Variants in EML6 observed in about 807,000 individuals in gnomAD.
EML6 encodes echinoderm microtubule-associated protein-like 6.
EML6 carries 154 observed loss-of-function variants against 240.1 expected under a neutral mutation model. The observed-to-expected ratio is 0.64, with a 90% CI of 0.56 to 0.73. EML6 has a LOEUF of 0.73. Among genes scored for constraint, EML6 ranks in the 30% least tolerant of loss-of-function variants. The probability of loss-of-function intolerance (pLI) is 0.00; values close to 1 mark genes in which losing one functional copy is unlikely to be tolerated. For missense variants in EML6, 2,964 were observed against 2,474.6 expected, an observed-to-expected ratio of 1.20 and a Z score of -4.20; for synonymous variants, 1,148 against 899.0, an observed-to-expected ratio of 1.28 and a Z score of -4.95.
intron 2 of EML6, among the ~76,000 whole-genome samples, chr2:54,812,537 TTA>T (rs1667901347): frequency 1.3e-5 from 2 of 149,598 alleles, no homozygotes; most frequent in Admixed American, 6.7e-5. Context: ...TTTTTTTTTT[TTA>T]ATCTAGGAAA....
At chr2:54,765,780 A>G (rs1056958932) in intron 2 of EML6, among the ~76,000 whole-genome samples, 62 of 152,186 alleles carry the variant, frequency 4.1e-4, no homozygotes, top group Admixed American at 3.5e-3. Flanking sequence ...GGTACCATCT[A>G]TACCATTATA....
At chr2:54,812,497 A>G (rs1041241444) in intron 2 of EML6, among the ~76,000 whole-genome samples, 8 of 148,886 alleles carry the variant, frequency 5.4e-5, no homozygotes, top group Non-Finnish European at 1.0e-4. Flanking sequence ...CACAACGCCT[A>G]TACACAATGA....
chr2:54,818,282 CTAAATT>C lies in EML6; in HGVS notation c.456+1399_456+1404del, dbSNP rs369391366. ...TTATTGTTAAATTATTACTGTTAAA[CTAAATT>C]TGGCCTCAGCTGCCCTCCATATGGT... On this transcript the variant is annotated intron_variant, in intron 4 of 41. Transcript: ENST00000356458. 9.2e-4 allele frequency among the ~76,000 whole-genome samples: 139 copies of C among 150,916 alleles called. 2 individuals are homozygous for C. The highest frequency in any genetic ancestry group is 3.2e-3 in the African/African-American group (131 of 41,458).
chr2:54,828,078 G>A (rs1049087216), intron 6 of EML6, among the ~76,000 whole-genome samples: 3 of 152,226 alleles, frequency 2.0e-5, no homozygotes, highest in African/African-American at 7.2e-5. Flanking sequence ...GGGGAATCAT[G>A]TTAAAATGCA....
At chr2:54,942,256 G>C (rs1001794125) in intron 28 of EML6, among the ~76,000 whole-genome samples, 10 of 152,168 alleles carry the variant, frequency 6.6e-5, no homozygotes, top group Admixed American at 2.6e-4. Flanking sequence ...AGCTTAATGT[G>C]CCTAGGAAAT....
intron 17 of EML6, among the ~76,000 whole-genome samples, chr2:54,885,428 C>A (rs976742115): frequency 2.7e-5 from 4 of 150,900 alleles, no homozygotes; most frequent in Non-Finnish European, 4.4e-5. Flanking sequence ...GCCTGGGCAA[C>A]AAGAACGAAA....
At chr2:54,808,174 C>T (rs141431289) in intron 2 of EML6, among the ~76,000 whole-genome samples, 228 of 152,306 alleles carry the variant, frequency 1.5e-3, no homozygotes, top group African/African-American at 5.3e-3. Context: ...AGGCAGGGCC[C>T]TCTCTGTGGT....
intron 2 of EML6, among the ~76,000 whole-genome samples, chr2:54,763,105 A>T (rs1199639516): frequency 6.6e-6 from 1 of 152,230 alleles, no homozygotes; most frequent in East Asian, 1.9e-4. Flanking sequence ...CTCACAAAAC[A>T]TAATACATTT....
chr2:54,843,257 T>G (rs1326767214), intron 7 of EML6, among the ~76,000 whole-genome samples: 1 of 152,148 alleles, frequency 6.6e-6, no homozygotes, highest in Non-Finnish European at 1.5e-5. Context: ...AGCAAGACCT[T>G]GTCTCTAGAA....
chr2:54,876,465 CCTTGCAGAAA>C (rs1212767215), intron 16 of EML6, among the ~76,000 whole-genome samples: 1 of 152,128 alleles, frequency 6.6e-6, no homozygotes, highest in Admixed American at 6.5e-5. Context: ...GCTGACAGGG[CCTTGCAGAAA>C]TTCTCCTAAA....
chr2:54,735,487 G>T (rs1346435216), intron 2 of EML6, among the ~76,000 whole-genome samples: 1 of 152,222 alleles, frequency 6.6e-6, no homozygotes, highest in Admixed American at 6.5e-5. Context: ...GCAGGATTCA[G>T]AATCTTCTTT....
intron 25 of EML6, among the ~76,000 whole-genome samples, chr2:54,913,655 A>G (rs1673758249): frequency 6.6e-6 from 1 of 152,186 alleles, no homozygotes; most frequent in Non-Finnish European, 1.5e-5. Context: ...TTAGTTAATT[A>G]AACTCATCAA....
chr2:54,809,375 C>A (rs542970409), intron 2 of EML6, among the ~76,000 whole-genome samples: 1 of 152,140 alleles, frequency 6.6e-6, no homozygotes, highest in Non-Finnish European at 1.5e-5. Flanking sequence ...CTGTGACTTG[C>A]GCTATGGGAG....
At chr2:54,950,989 C>T (rs1299468899) in intron 30 of EML6, among the ~76,000 whole-genome samples, 1 of 152,122 alleles carries the variant, frequency 6.6e-6, no homozygotes, top group African/African-American at 2.4e-5. Context: ...CTTGACCTCA[C>T]CTCATCATAG....
intron 25 of EML6, among the ~76,000 whole-genome samples, chr2:54,911,827 T>A (rs1673658397): frequency 6.6e-6 from 1 of 152,362 alleles, no homozygotes; most frequent in East Asian, 1.9e-4. Context: ...CCTCATGTCC[T>A]TAGCTACATA....
chr2:54,948,998 T>C, intron 29 of EML6, 38 bp downstream of exon 29: 1 of 1,420,846 alleles, frequency 7.0e-7, no homozygotes, highest in Non-Finnish European at 9.7e-7. Context: ...ATATTGACGT[T>C]CTAAGACATA....
rs34641831 is a variant in EML6, at chr2:54,848,206, C to CT, written c.1187+588dup. ...TTCCTATTTACTGACATCCTATATA[C>CT]TTTTTACTGAAAAAAATTATGACCC... On this transcript the variant is annotated intron_variant, in intron 9 of 41. Transcript: ENST00000356458. Among the ~76,000 whole-genome samples the CT allele has an allele frequency of 9.9e-5, 15 of 152,276 alleles. 1 individual carries two copies. The East Asian group carries it at 2.7e-3, about 27-fold the overall frequency.
chr2:54,882,833 A>G (rs902256520), intron 17 of EML6: 62 of 130,666 alleles, frequency 4.7e-4, no homozygotes, highest in African/African-American at 1.6e-3. Flanking sequence ...ACTCCAGCCT[A>G]GGCGGCAGAG....
chr2:54,823,283 A>C (rs1353175234), intron 5 of EML6, among the ~76,000 whole-genome samples: 7 of 152,014 alleles, frequency 4.6e-5, no homozygotes, highest in Non-Finnish European at 7.4e-5. Context: ...TGGGTGGGTG[A>C]GTTTGGTAGG....
Sources: allele counts gnomAD v4.1 joint callset (sites outside exome capture counted in the v4.1 genomes callset), GRCh38; gene constraint gnomAD v4.1.1; transcripts MANE v1.5; gene names NCBI Gene and HGNC (gene_info 2026-07-23, HGNC 2026-07-21).